The following LAPTM4B variants were observed in gnomAD, a reference collection of about 807,000 sequenced individuals.
The protein encoded by LAPTM4B is lysosomal-associated transmembrane protein 4B.
In LAPTM4B, 26 loss-of-function variants were observed where a neutral mutation model predicts 28.5. The observed-to-expected ratio is 0.91, with a 90% CI of 0.67 to 1.27. LAPTM4B has a LOEUF of 1.27. LAPTM4B is among the 50% of genes most tolerant of loss of function. The pLI is 0.00. For missense variants in LAPTM4B, 288 were observed against 285.8 expected (o/e 1.01, Z -0.06); for synonymous variants, 109 against 106.4 (o/e 1.02, Z -0.15).
rs573901645 is a variant in LAPTM4B, at chr8:97,834,959, C to T, written c.603+9806C>T. Among the ~76,000 whole-genome samples, 12 of 152,266 alleles carry T rather than the reference C, an allele frequency of 7.9e-5. No homozygotes were observed. The South Asian group carries it at 2.5e-3, about 32-fold the overall frequency. On this transcript the variant is annotated intron_variant, in intron 6 of 6. Coordinates refer to ENST00000521545, the MANE Select transcript of LAPTM4B (RefSeq NM_018407.6). Reference sequence around the variant, plus strand: ...CTGCATGTTTAAAGATTGTTTAGAACTAAAGGAGTTAATGTTACCATTATC... The same window carrying T: ...CTGCATGTTTAAAGATTGTTTAGAATTAAAGGAGTTAATGTTACCATTATC...
intron 1 of LAPTM4B, among the ~76,000 whole-genome samples, chr8:97,781,277 C>CATTTTTTTT (rs1489104689): frequency 4.5e-5 from 2 of 44,000 alleles, no homozygotes; most frequent in Non-Finnish European, 7.8e-5. Flanking sequence ...CTGTGCCCGG[C>CATTTTTTTT]CTTTTTTTTT....
intron 6 of LAPTM4B, among the ~76,000 whole-genome samples, chr8:97,827,422 G>A (rs927757571): frequency 6.6e-5 from 10 of 152,204 alleles, no homozygotes; most frequent in African/African-American, 2.4e-4. Context: ...GAAGGGCTTG[G>A]AAGCTCCATG....
intron 1 of LAPTM4B, among the ~76,000 whole-genome samples, chr8:97,804,023 T>C (rs1314466454): frequency 6.6e-6 from 1 of 152,216 alleles, no homozygotes; most frequent in African/African-American, 2.4e-5. Flanking sequence ...TTCACTCCAT[T>C]TGAGAAGAGT....
In LAPTM4B at chr8:97,775,990, G is replaced by A; in HGVS notation, c.-20G>A. 3 of 1,563,216 alleles carry A rather than the reference G, an allele frequency of 1.9e-6. No homozygotes were observed. The highest frequency in any genetic ancestry group is 2.6e-6 in the Non-Finnish European group (3 of 1,161,846). On this transcript the variant is annotated 5_prime_UTR_variant, in exon 1 of 7. Coordinates refer to ENST00000521545, the MANE Select transcript of LAPTM4B (RefSeq NM_018407.6). ...CTCCTGAAAACTTGCGCGCGCGCTC[G>A]CGCCACTGCGCCCGGAGCGATGAAG...
chr8:97,789,395 C>G (rs768154250), intron 1 of LAPTM4B, among the ~76,000 whole-genome samples: 2 of 146,734 alleles, frequency 1.4e-5, no homozygotes, highest in African/African-American at 2.5e-5. Flanking sequence ...GGTAGAGTCT[C>G]TCTTGCCCAG....
chr8:97,802,923 A>G (rs1217784216), intron 1 of LAPTM4B, among the ~76,000 whole-genome samples: 1 of 152,104 alleles, frequency 6.6e-6, no homozygotes, highest in African/African-American at 2.4e-5. Flanking sequence ...TATTCCGGCC[A>G]GGCACGGTGC....
At position 97,815,403 on chromosome 8, in the gene LAPTM4B, T is replaced by G. The variant is rs752441513; in HGVS notation, c.285+2T>G. 1.9e-6 allele frequency: 3 copies of G among 1,583,090 alleles called. No homozygotes were observed. The highest frequency in any genetic ancestry group is 2.6e-6 in the Non-Finnish European group (3 of 1,152,452). ...ATGGCTACTTACGGAGCGTACAAGG[T>G]AAGCCGCTTGCAGTAAGATGCTGGC... On this transcript the variant is annotated splice_donor_variant, in intron 3 of 6. Coordinates refer to ENST00000521545, the MANE Select transcript of LAPTM4B (RefSeq NM_018407.6). LOFTEE classifies it high-confidence loss of function.
intron 5 of LAPTM4B, 39 bp downstream of exon 5, chr8:97,819,277 A>C: frequency 8.0e-7 from 1 of 1,256,626 alleles, no homozygotes; most frequent in Non-Finnish European, 1.1e-6. Flanking sequence ...AAAAATATTA[A>C]GTGTATTCCT....
In LAPTM4B at chr8:97,851,588, G is replaced by A. The variant is rs1190753851; in HGVS notation, c.*114G>A. ...CTCTGAGCTTGTTTGTTGCTGAAAT[G>A]CTACTTTTTAAAATTTAGATGTTAG... On this transcript the variant is annotated 3_prime_UTR_variant, in exon 7 of 7. Transcript: ENST00000521545. 1.3e-6 allele frequency: 1 copy of A among 775,188 alleles called. No individual in the cohort carries two copies. Among genetic ancestry groups the A allele is most frequent in the Non-Finnish European group, 2.2e-6 (1 of 459,324 alleles). The allele number at this position is 775,188 out of a possible 1,614,324, so 48.0% of individuals were successfully genotyped here. A position where few individuals can be genotyped will look rare whatever the true frequency, so the allele number is the denominator to read the frequency against.
intron 1 of LAPTM4B, among the ~76,000 whole-genome samples, chr8:97,792,361 C>A (rs1040811617): frequency 2.6e-5 from 4 of 151,992 alleles, no homozygotes; most frequent in Admixed American, 1.3e-4. Flanking sequence ...GCTCCAGGTC[C>A]CTGCCACCCC....
chr8:97,795,937 C>T (rs1816574513), intron 1 of LAPTM4B, among the ~76,000 whole-genome samples: 1 of 151,860 alleles, frequency 6.6e-6, no homozygotes, highest in African/African-American at 2.4e-5. Context: ...CCAATCACAC[C>T]TCCTCTTGAT....
At chr8:97,832,336 C>G (rs1037150476) in intron 6 of LAPTM4B, among the ~76,000 whole-genome samples, 6 of 152,172 alleles carry the variant, frequency 3.9e-5, no homozygotes, top group African/African-American at 1.4e-4. Context: ...TTTGTGGTAG[C>G]TACATTTGGG....
intron 4 of LAPTM4B, among the ~76,000 whole-genome samples, chr8:97,818,550 A>C (rs1438341987): frequency 6.6e-6 from 1 of 152,226 alleles, no homozygotes; most frequent in African/African-American, 2.4e-5. Context: ...TGTGGATGGT[A>C]GTGCTTGATT....
intron 1 of LAPTM4B, among the ~76,000 whole-genome samples, chr8:97,790,768 C>T (rs1490965639): frequency 6.6e-6 from 1 of 151,840 alleles, no homozygotes; most frequent in Non-Finnish European, 1.5e-5. Flanking sequence ...GAGACAAAGT[C>T]TGGCTCTATT....
At chr8:97,786,613 C>G in intron 1 of LAPTM4B, among the ~76,000 whole-genome samples, 1 of 151,412 alleles carries the variant, frequency 6.6e-6, no homozygotes, top group African/African-American at 2.4e-5. Context: ...CCCGGAGAAT[C>G]ACGTGAACCT....
chr8:97,842,076 A>G (rs80333905), intron 6 of LAPTM4B, among the ~76,000 whole-genome samples: 3,506 of 152,324 alleles, frequency 0.023, 125 homozygotes, highest in African/African-American at 0.078. Context: ...TGGGGGCCAT[A>G]TAGTCTCTAT....
rs955040785 is a variant in LAPTM4B, at chr8:97,776,853, AT to A, written c.99+753del. On this transcript the variant is annotated intron_variant, in intron 1 of 6. Coordinates refer to ENST00000521545, the MANE Select transcript of LAPTM4B (RefSeq NM_018407.6). Reference sequence around the variant, plus strand: ...GACAGACTCAGCGGGCAAATCTGGCATTTTTTTTCCTGGTTGGAACTTTTGA... The same window carrying A: ...GACAGACTCAGCGGGCAAATCTGGCATTTTTTTCCTGGTTGGAACTTTTGA... Among the ~76,000 whole-genome samples, 163 of 151,762 alleles carry A rather than the reference AT, an allele frequency of 1.1e-3. 1 individual carries two copies. The highest frequency in any genetic ancestry group is 3.9e-3 in the African/African-American group (161 of 41,368).
intron 1 of LAPTM4B, among the ~76,000 whole-genome samples, chr8:97,784,251 A>G (rs1308986315): frequency 6.6e-6 from 1 of 152,180 alleles, no homozygotes; most frequent in African/African-American, 2.4e-5. Flanking sequence ...ATTTCAGGAT[A>G]GAATAACGGA....
intron 5 of LAPTM4B, 133 bp from the exon 6 acceptor site, chr8:97,824,925 A>T (rs1817070588): frequency 3.7e-6 from 2 of 538,586 alleles, no homozygotes; most frequent in African/African-American, 3.8e-5. Flanking sequence ...CTTTTGGTTT[A>T]GTAGAGCTGT....
Sources: allele counts gnomAD v4.1 joint callset (sites outside exome capture counted in the v4.1 genomes callset), GRCh38; gene constraint gnomAD v4.1.1; transcripts MANE v1.5; gene names NCBI Gene and HGNC (gene_info 2026-07-23, HGNC 2026-07-21).